Variants in LONP2 observed in about 807,000 individuals in gnomAD.
The protein encoded by LONP2 is lon protease homolog 2, peroxisomal.
A neutral mutation model predicts 85.6 loss-of-function variants in LONP2; 60 were observed. The observed-to-expected ratio is 0.70, with a 90% CI of 0.57 to 0.87. The LOEUF is 0.87. Among genes scored for constraint, LONP2 ranks in the 40% least tolerant of loss-of-function variants. The pLI is 0.00. For missense variants in LONP2, 860 were observed against 1,063.5 expected (o/e 0.81, Z 2.66); for synonymous variants, 395 against 389.7 (o/e 1.01, Z -0.16).
At chr16:48,318,103 G>C (rs949584243) in intron 11 of LONP2, among the ~76,000 whole-genome samples, 3 of 151,938 alleles carry the variant, frequency 2.0e-5, no homozygotes, top group African/African-American at 7.3e-5. Flanking sequence ...AATGCAGAAA[G>C]GATCAAAAGC....
chr16:48,320,996 T>C (rs1159066250), intron 11 of LONP2, among the ~76,000 whole-genome samples: 2 of 152,148 alleles, frequency 1.3e-5, no homozygotes, highest in Non-Finnish European at 1.5e-5. Flanking sequence ...TGGAGTGGCC[T>C]GGTTTCAACT....
At chr16:48,340,625 A>G (rs1045652784) in intron 12 of LONP2, among the ~76,000 whole-genome samples, 1 of 152,218 alleles carries the variant, frequency 6.6e-6, no homozygotes, top group African/African-American at 2.4e-5. Flanking sequence ...CCCTAAACAG[A>G]TTGAAAAATG....
At chr16:48,244,645 G>C in intron 1 of LONP2, 24 bp downstream of exon 1, 1 of 1,330,094 alleles carries the variant, frequency 7.5e-7, no homozygotes, top group East Asian at 3.1e-5. Flanking sequence ...CCCCCGCGGC[G>C]GCGGCGGGCG....
intron 11 of LONP2, among the ~76,000 whole-genome samples, chr16:48,303,954 T>G (rs1351044165): frequency 6.6e-6 from 1 of 152,216 alleles, no homozygotes; most frequent in Non-Finnish European, 1.5e-5. Flanking sequence ...CCCACTCAGA[T>G]TGAGGGTGGG....
intron 12 of LONP2, among the ~76,000 whole-genome samples, chr16:48,338,472 A>T (rs2151027436): frequency 6.6e-6 from 1 of 152,312 alleles, no homozygotes; most frequent in Non-Finnish European, 1.5e-5. Context: ...GGAAACAGTT[A>T]TCAAAAGGGA....
chr16:48,292,170 A>G (rs1972569147), intron 8 of LONP2, among the ~76,000 whole-genome samples: 1 of 152,238 alleles, frequency 6.6e-6, no homozygotes, highest in Non-Finnish European at 1.5e-5. Flanking sequence ...AATATAGCGT[A>G]CAGGAAGCCA....
At chr16:48,287,703 A>G (rs1022656374) in intron 8 of LONP2, among the ~76,000 whole-genome samples, 1 of 152,222 alleles carries the variant, frequency 6.6e-6, no homozygotes, top group Non-Finnish European at 1.5e-5. Flanking sequence ...CTTGAGAGAA[A>G]GGGATGAGTG....
downstream of LONP2, chr16:48,360,958 A>C (rs1960559797): frequency 1.3e-5 from 2 of 152,242 alleles, no homozygotes; most frequent in Non-Finnish European, 2.9e-5. Context: ...GGGAAAAGAA[A>C]ATATTGAACA....
Position 48,261,436 on chromosome 16 carries a change from C to T in LONP2, c.736C>T (p.Arg246Cys), listed in dbSNP as rs3743989. 1.0e-4 allele frequency: 159 copies of T among 1,597,504 alleles called. No individual in the cohort carries two copies. The highest frequency in any genetic ancestry group is 4.5e-4 in the Admixed American group (26 of 57,846). Residue 246 changes from arginine (R) to cysteine (C), a missense_variant, in exon 5 of 15, where the codon CGC (arginine) becomes TGC (cysteine). By Grantham distance (180) the Arg-to-Cys change is radical. Around this residue, in one of 3 missense-constraint regions of LONP2, gnomAD observed 743 missense variants for 917.3 expected, o/e 0.81. Transcript: ENST00000285737. ...QDDDKRVIAIRPIRRITHISG... is the reference protein window; with the variant it reads ...QDDDKRVIAICPIRRITHISG... The stretch of plus-strand genomic sequence containing the variant: ...CTTTCTATGTTAGGTTATAGCAATA[C>T]GCCCTATTAGGAGAATTACACATAT...
At position 48,262,788 on chromosome 16, in the gene LONP2, A is replaced by G. The variant is rs760970514; in HGVS notation, c.898A>G (p.Met300Val). 5.0e-6 allele frequency: 8 copies of G among 1,607,556 alleles called. No homozygotes were observed. The highest frequency in any genetic ancestry group is 6.8e-6 in the Non-Finnish European group (8 of 1,176,332). ...CVKEIKRLKK[M>V]PQSMPEYALT... ...ATTCTTTCTCCACAGACTCAAAAAAATGCCTCAGTCAATGCCAGAATATGC... is the reference window on the plus strand; with the variant it reads ...ATTCTTTCTCCACAGACTCAAAAAAGTGCCTCAGTCAATGCCAGAATATGC... Residue 300 changes from methionine to valine, a missense_variant, in exon 6 of 15, where the codon ATG (methionine) becomes GTG (valine). This residue lies in a region of LONP2 where 743 missense variants were observed against 917.3 expected (regional missense o/e 0.81). Coordinates refer to ENST00000285737, the MANE Select transcript of LONP2 (RefSeq NM_031490.5).
At chr16:48,350,646 T>G (rs2151035222) in intron 14 of LONP2, among the ~76,000 whole-genome samples, 1 of 152,280 alleles carries the variant, frequency 6.6e-6, no homozygotes, top group Non-Finnish European at 1.5e-5. Flanking sequence ...TGCAACACAT[T>G]ACCCCAAAGC....
intron 11 of LONP2, among the ~76,000 whole-genome samples, chr16:48,314,008 G>A (rs372941951): frequency 6.6e-5 from 10 of 152,158 alleles, no homozygotes; most frequent in Non-Finnish European, 1.0e-4. Context: ...TCTGACTGGC[G>A]TGAGATGGTA....
At chr16:48,314,224 T>C (rs1973095113) in intron 11 of LONP2, among the ~76,000 whole-genome samples, 1 of 152,074 alleles carries the variant, frequency 6.6e-6, no homozygotes, top group Non-Finnish European at 1.5e-5. Context: ...GGTGGATAGA[T>C]TGAAAAATTC....
At chr16:48,360,278 G>C (rs555241820), downstream of LONP2, among the ~76,000 whole-genome samples, 36 of 152,328 alleles carry the variant, frequency 2.4e-4, no homozygotes, top group Admixed American at 7.8e-4. Context: ...CTTTTTTAAA[G>C]AGGTGAAAAG....
At position 48,300,818 on chromosome 16, in the gene LONP2, C is replaced by T. The variant is rs888361982; in HGVS notation, c.1661+1030C>T. On this transcript the variant is annotated intron_variant, in intron 10 of 14. Coordinates refer to ENST00000285737, the MANE Select transcript of LONP2 (RefSeq NM_031490.5). Reference sequence around the variant, plus strand: ...ACAATATCATTATTCCAGATAACACCCATGATGCCTTTGGGTAACTTTCAA... The same window carrying T: ...ACAATATCATTATTCCAGATAACACTCATGATGCCTTTGGGTAACTTTCAA... 9.2e-5 allele frequency among the ~76,000 whole-genome samples: 14 copies of T among 152,186 alleles called. No individual in the cohort carries two copies. In the South Asian group the frequency reaches 2.1e-3, roughly 23 times the overall value.
chr16:48,277,317 T>C (rs1311162182), intron 7 of LONP2, 21 bp from the exon 8 acceptor site: 3 of 1,608,968 alleles, frequency 1.9e-6, no homozygotes, highest in Non-Finnish European at 2.5e-6. Flanking sequence ...ACACTGTGAA[T>C]GTGCTACTTG....
chr16:48,261,295 C>T (rs1348121730), intron 4 of LONP2, 129 bp from the exon 5 acceptor site: 2 of 645,964 alleles, frequency 3.1e-6, no homozygotes, highest in Non-Finnish European at 4.9e-6. Context: ...CTGAACTTCA[C>T]TTCCTAAAGA....
At chr16:48,256,416 T>C (rs1420836454) in intron 2 of LONP2, among the ~76,000 whole-genome samples, 194 bp from the exon 3 acceptor site, 2 of 152,230 alleles carry the variant, frequency 1.3e-5, no homozygotes, top group Admixed American at 6.5e-5. Context: ...CATTATTGCT[T>C]TTCATTCTGA....
intron 4 of LONP2, 32 bp downstream of exon 4, chr16:48,258,772 G>T: frequency 1.3e-6 from 2 of 1,523,360 alleles, no homozygotes; most frequent in Admixed American, 2.2e-5. Flanking sequence ...TTTCAGTTTT[G>T]AAAAAAAAAT....
Sources: allele counts gnomAD v4.1 joint callset (sites outside exome capture counted in the v4.1 genomes callset), GRCh38; gene constraint gnomAD v4.1.1; regional missense constraint gnomAD v4.1.1; transcripts MANE v1.5; gene names NCBI Gene and HGNC (gene_info 2026-07-23, HGNC 2026-07-21).